Variants in COMMD1 observed in about 807,000 individuals in gnomAD.
COMMD1 encodes the protein COMM domain-containing protein 1.
COMMD1 carries 10 observed loss-of-function variants against 17.2 expected under a neutral mutation model. The observed-to-expected ratio is 0.58, with a 90% CI of 0.36 to 0.99. The LOEUF is 0.99. COMMD1 is among the 50% of genes least tolerant of loss of function. The probability of loss-of-function intolerance (pLI) is 0.01; values close to 1 mark genes in which losing one functional copy is unlikely to be tolerated. For missense variants in COMMD1, 270 were observed against 231.8 expected (o/e 1.17, Z -1.07); for synonymous variants, 97 against 91.6 (o/e 1.06, Z -0.34).
At chr2:62,108,924 C>T (rs956267875) in intron 2 of COMMD1, among the ~76,000 whole-genome samples, 1 of 152,200 alleles carries the variant, frequency 6.6e-6, no homozygotes, top group Non-Finnish European at 1.5e-5. Context: ...CTATAAATAA[C>T]AGGCTAGAGC....
At chr2:62,085,929 G>C (rs1282522045) in intron 2 of COMMD1, among the ~76,000 whole-genome samples, 2 of 152,064 alleles carry the variant, frequency 1.3e-5, no homozygotes, top group African/African-American at 2.4e-5. Flanking sequence ...AGTGAGCCCA[G>C]ATCGTGCCAC....
intron 2 of COMMD1, among the ~76,000 whole-genome samples, chr2:62,120,060 C>T (rs1053873673): frequency 5.9e-5 from 9 of 152,098 alleles, no homozygotes; most frequent in Non-Finnish European, 1.2e-4. Context: ...TACAGTGACC[C>T]GATCACAGCT....
chr2:62,005,021 C>T (rs1403500385), intron 2 of COMMD1, among the ~76,000 whole-genome samples: 1 of 152,180 alleles, frequency 6.6e-6, no homozygotes, highest in Non-Finnish European at 1.5e-5. Context: ...CATTTTAAAG[C>T]AGTAGTTCTC....
chr2:62,104,372 G>A (rs905070863), intron 2 of COMMD1, among the ~76,000 whole-genome samples: 6 of 151,932 alleles, frequency 3.9e-5, no homozygotes, highest in Admixed American at 1.3e-4. Flanking sequence ...AGTGGCTCAC[G>A]CCTGTAATCC....
At chr2:62,076,971 A>G (rs1311707031) in intron 2 of COMMD1, among the ~76,000 whole-genome samples, 3 of 152,110 alleles carry the variant, frequency 2.0e-5, no homozygotes, top group Admixed American at 1.3e-4. Context: ...GTCTCCATAA[A>G]AAATAAAAAA....
At chr2:62,125,414 G>A (rs114463294) in intron 2 of COMMD1, among the ~76,000 whole-genome samples, 275 of 152,254 alleles carry the variant, frequency 1.8e-3, no homozygotes, top group African/African-American at 5.8e-3. Context: ...ACTGATGTCA[G>A]TCCTTTTTCA....
At chr2:62,102,067 G>A (rs1672197556) in intron 2 of COMMD1, among the ~76,000 whole-genome samples, 1 of 152,142 alleles carries the variant, frequency 6.6e-6, no homozygotes, top group Non-Finnish European at 1.5e-5. Flanking sequence ...CATCTCATTA[G>A]CGTACAAAAG....
chr2:62,097,878 G>A (rs184053906), intron 2 of COMMD1, among the ~76,000 whole-genome samples: 5 of 152,116 alleles, frequency 3.3e-5, no homozygotes, highest in East Asian at 1.9e-4. Flanking sequence ...TTAGAAGTAG[G>A]GGGGAAACCC....
chr2:61,962,788 C>T (rs1671389685), intron 1 of COMMD1, among the ~76,000 whole-genome samples: 1 of 152,168 alleles, frequency 6.6e-6, no homozygotes, highest in Admixed American at 6.5e-5. Flanking sequence ...AGAAGCTTCA[C>T]ATTTGGGCCC....
chr2:61,994,010 G>A (rs527603979), intron 1 of COMMD1, among the ~76,000 whole-genome samples: 14 of 151,150 alleles, frequency 9.3e-5, no homozygotes, highest in African/African-American at 2.9e-4. Flanking sequence ...CTTTCTTGGC[G>A]GAGTCTCGCT....
upstream of COMMD1, among the ~76,000 whole-genome samples, chr2:61,902,007 A>G (rs59385429): frequency 0.064 from 9,718 of 151,632 alleles, 565 homozygotes; most frequent in African/African-American, 0.15. Context: ...TAATTTTTGT[A>G]TTTTTAGTAG....
chr2:61,893,652 A>G (rs1047501690), intron 1 of COMMD1, among the ~76,000 whole-genome samples: 2 of 152,116 alleles, frequency 1.3e-5, no homozygotes, highest in Non-Finnish European at 2.9e-5. Context: ...TGTCTCTACT[A>G]AAAATACAAA....
At chr2:61,914,203 A>G (rs1166537812) in intron 1 of COMMD1, among the ~76,000 whole-genome samples, 1 of 152,058 alleles carries the variant, frequency 6.6e-6, no homozygotes, top group Non-Finnish European at 1.5e-5. Context: ...TGGAAACAAT[A>G]TAATATATAA....
At chr2:61,888,724 G>A in exon 1 of COMMD1, 1 of 555,282 alleles carries the variant, frequency 1.8e-6, no homozygotes, top group Non-Finnish European at 3.1e-6. Context: ...GGGCGAGGAG[G>A]ATGCGTGCGG....
intron 1 of COMMD1, among the ~76,000 whole-genome samples, chr2:61,925,185 G>C (rs1301434745): frequency 6.6e-6 from 1 of 151,580 alleles, no homozygotes; most frequent in African/African-American, 2.4e-5. Flanking sequence ...TTAGGGGAGG[G>C]AGAGAGTGGG....
At chr2:62,031,622 G>A (rs565135902) in intron 2 of COMMD1, among the ~76,000 whole-genome samples, 15 of 152,232 alleles carry the variant, frequency 9.9e-5, no homozygotes, top group East Asian at 9.6e-4. Flanking sequence ...CATTGGGCTC[G>A]TCTTTTCTCT....
chr2:61,993,514 T>C (rs1668652786), intron 1 of COMMD1, among the ~76,000 whole-genome samples: 1 of 152,232 alleles, frequency 6.6e-6, no homozygotes, highest in East Asian at 1.9e-4. Context: ...ATTTTAAAAT[T>C]GTACTTCAGG....
intron 2 of COMMD1, among the ~76,000 whole-genome samples, chr2:62,106,113 T>G (rs1323418974): frequency 6.6e-6 from 1 of 152,194 alleles, no homozygotes; most frequent in Non-Finnish European, 1.5e-5. Context: ...GCTGTTAACC[T>G]CAGACTTCCA....
intron 1 of COMMD1, among the ~76,000 whole-genome samples, chr2:61,919,086 A>G (rs553364540): frequency 6.6e-6 from 1 of 151,138 alleles, no homozygotes; most frequent in African/African-American, 2.4e-5. Flanking sequence ...ATCTCGGCTC[A>G]CCGAAGACTC....
Sources: allele counts gnomAD v4.1 joint callset (sites outside exome capture counted in the v4.1 genomes callset), GRCh38; gene constraint gnomAD v4.1.1; transcripts MANE v1.5; gene names NCBI Gene and HGNC (gene_info 2026-07-23, HGNC 2026-07-21).